Variants in DNA2 observed in about 807,000 individuals in gnomAD.
DNA2 encodes the protein DNA replication ATP-dependent helicase/nuclease DNA2.
In DNA2, 101 loss-of-function variants were observed where a neutral mutation model predicts 119.1. The observed-to-expected ratio is 0.85, with a 90% CI of 0.72 to 1.00. DNA2 has a LOEUF of 1.00. Ranked by LOEUF, DNA2 falls within the 50% of genes least tolerant of loss-of-function variation. The pLI is 0.00. For synonymous variants in DNA2, 366 were observed against 424.4 expected, an observed-to-expected ratio of 0.86 and a Z score of 1.69; for missense variants, 1,121 against 1,255.5, an observed-to-expected ratio of 0.89 and a Z score of 1.62.
At chr10:68,426,714 C>A (rs1254850087) in intron 14 of DNA2, among the ~76,000 whole-genome samples, 1 of 151,506 alleles carries the variant, frequency 6.6e-6, no homozygotes, top group Non-Finnish European at 1.5e-5. Flanking sequence ...TGGTGGGCGC[C>A]TGTGGTCCCA....
At chr10:68,440,039 C>T (rs1232420697) in intron 9 of DNA2, among the ~76,000 whole-genome samples, 1 of 151,558 alleles carries the variant, frequency 6.6e-6, no homozygotes, top group Non-Finnish European at 1.5e-5. Flanking sequence ...TGCAGTGGCT[C>T]ACACCTATAA....
chr10:68,462,394 A>C (rs2052271625), intron 4 of DNA2, among the ~76,000 whole-genome samples: 1 of 152,222 alleles, frequency 6.6e-6, no homozygotes, highest in African/African-American at 2.4e-5. Context: ...AAAAATGAAT[A>C]TACATGTTAA....
chr10:68,472,007 C>T (rs188525098), upstream of DNA2: 403 of 1,610,008 alleles, frequency 2.5e-4, 2 homozygotes, highest in African/African-American at 4.9e-3. Flanking sequence ...ATGACCTGCG[C>T]CAGGCCGCCC....
chr10:68,423,679 G>A (rs1283769911), intron 14 of DNA2, among the ~76,000 whole-genome samples: 1 of 152,160 alleles, frequency 6.6e-6, no homozygotes, highest in African/African-American at 2.4e-5. Flanking sequence ...GTCAGAGAAA[G>A]CCAAGTAGGG....
chr10:68,417,997 GGAA>G (rs2051613911), intron 19 of DNA2, among the ~76,000 whole-genome samples: 2 of 152,176 alleles, frequency 1.3e-5, no homozygotes. Flanking sequence ...CAGGTGCTGG[GGAA>G]GAAGAAAATG....
At position 68,440,452 on chromosome 10, in the gene DNA2, C is replaced by T. The variant is rs534218547; in HGVS notation, c.1415+2465G>A. ...AGCTGGGACTACAGGCACCTGCCAC[C>T]ATGCCCAGCTAATATTTTGTATTTT... On this transcript the variant is annotated intron_variant, in intron 9 of 20. Coordinates refer to ENST00000358410, the MANE Select transcript of DNA2 (RefSeq NM_001080449.3). 5.4e-3 allele frequency among the ~76,000 whole-genome samples: 823 copies of T among 152,054 alleles called. 6 individuals carry two copies. Among genetic ancestry groups the T allele is most frequent in the African/African-American group, 0.019 (790 of 41,510 alleles).
intron 4 of DNA2, among the ~76,000 whole-genome samples, chr10:68,464,835 A>C (rs1490338308): frequency 1.9e-5 from 2 of 104,906 alleles, no homozygotes; most frequent in African/African-American, 8.6e-5. Flanking sequence ...ACCTCAAAAA[A>C]AAAAAAAAAA....
Position 68,428,187 on chromosome 10 carries a change from C to T in DNA2, c.2208+2249G>A, listed in dbSNP as rs2051768187. Among the ~76,000 whole-genome samples, 3 of 151,846 alleles carry T rather than the reference C, an allele frequency of 2.0e-5. No individual in the cohort carries two copies. The South Asian group carries it at 6.2e-4, about 32-fold the overall frequency. On this transcript the variant is annotated intron_variant, in intron 14 of 20. Coordinates refer to ENST00000358410, the MANE Select transcript of DNA2 (RefSeq NM_001080449.3). ...GTAAAAATACAAAGAATTAGCTGGG[C>T]GTGGTGGCAGGCGCCTGTAGTCCCA...
chr10:68,460,756 C>T (rs2052247164), intron 4 of DNA2, among the ~76,000 whole-genome samples: 1 of 151,930 alleles, frequency 6.6e-6, no homozygotes, highest in South Asian at 2.1e-4. Context: ...TAAAAAACAT[C>T]CAAATAACGC....
At chr10:68,415,875 A>G (rs532228654) in intron 20 of DNA2, among the ~76,000 whole-genome samples, 2 of 150,988 alleles carry the variant, frequency 1.3e-5, no homozygotes, top group South Asian at 4.2e-4. Flanking sequence ...GATGGTCTCA[A>G]TCTCAACCTC....
rs544071997 is a variant in DNA2 at position 68,449,741 on chromosome 10, GTC to G, written c.939+285_939+286del. ...CAGCCTGGCCAACATAGTGAAACCT[GTC>G]TCTACTAAAAATACAAAAAATTAGC... On this transcript the variant is annotated intron_variant, in intron 6 of 20. Coordinates refer to ENST00000358410, the MANE Select transcript of DNA2 (RefSeq NM_001080449.3). Among the ~76,000 whole-genome samples the G allele has an allele frequency of 1.1e-3, 169 of 152,128 alleles. 1 individual carries two copies. Among genetic ancestry groups the G allele is most frequent in the Non-Finnish European group, 1.8e-3 (125 of 67,978 alleles).
chr10:68,441,713 T>C lies in DNA2; in HGVS notation c.1415+1204A>G, dbSNP rs1171830503. Among the ~76,000 whole-genome samples the C allele has an allele frequency of 2.0e-5, 3 of 152,106 alleles. No homozygotes were observed. In the East Asian group the frequency reaches 5.8e-4, roughly 29 times the overall value. ...TAGCTTGAATCCAGACAGCAGAGAT[T>C]GCAGTGAGCTGACAACATGCCACTG... On this transcript the variant is annotated intron_variant, in intron 9 of 20. Transcript: ENST00000358410.
intron 5 of DNA2, among the ~76,000 whole-genome samples, chr10:68,453,396 T>C (rs59124369): frequency 7.4e-4 from 112 of 152,152 alleles, no homozygotes; most frequent in African/African-American, 2.6e-3. Flanking sequence ...TCTAACTTTG[T>C]TACAGTACAG....
chr10:68,440,618 A>G lies in DNA2; in HGVS notation c.1415+2299T>C, dbSNP rs562810492. Reference sequence around the variant, plus strand: ...AGCCCAGAGCAAGACTTTGTCTAAAAAAAAAAAAGTTTCACATACTACAAA... The same window carrying G: ...AGCCCAGAGCAAGACTTTGTCTAAAGAAAAAAAAGTTTCACATACTACAAA... On this transcript the variant is annotated intron_variant, in intron 9 of 20. Transcript: ENST00000358410. Among the ~76,000 whole-genome samples the G allele has an allele frequency of 2.6e-5, 4 of 152,200 alleles. No homozygotes were observed. The East Asian group carries it at 7.7e-4, about 29-fold the overall frequency.
At position 68,432,200 on chromosome 10, in the gene DNA2, G is replaced by A; in HGVS notation, c.1873+6C>T. On this transcript the variant is annotated splice_donor_region_variant and intron_variant, in intron 12 of 20. Coordinates refer to ENST00000358410, the MANE Select transcript of DNA2 (RefSeq NM_001080449.3). ...AATCAAAGCAGACATGGTGATTTTA[G>A]CATACCCTTTAGAATGCAGGCAACT... The A allele has an allele frequency of 6.5e-7, 1 of 1,534,752 alleles. No individual in the cohort carries two copies. Among genetic ancestry groups the A allele is most frequent in the Non-Finnish European group, 8.9e-7 (1 of 1,126,970 alleles).
chr10:68,435,466 T>C (rs1389183804), intron 10 of DNA2, among the ~76,000 whole-genome samples: 1 of 151,938 alleles, frequency 6.6e-6, no homozygotes, highest in Admixed American at 6.6e-5. Context: ...CATATATATA[T>C]ATATTTTTAG....
At chr10:68,443,968 G>T (rs563914497) in intron 8 of DNA2, among the ~76,000 whole-genome samples, 3 of 151,244 alleles carry the variant, frequency 2.0e-5, no homozygotes, top group Admixed American at 6.6e-5. Context: ...AAGAAAAAAA[G>T]TATTTCGGCA....
At chr10:68,437,959 GC>G (rs1217533999) in intron 9 of DNA2, among the ~76,000 whole-genome samples, 3 of 152,030 alleles carry the variant, frequency 2.0e-5, no homozygotes, top group Non-Finnish European at 2.9e-5. Flanking sequence ...TGACCCACTG[GC>G]CTCAGCCTCC....
intron 10 of DNA2, among the ~76,000 whole-genome samples, chr10:68,433,921 C>T (rs1271093092): frequency 6.6e-6 from 1 of 152,220 alleles, no homozygotes; most frequent in African/African-American, 2.4e-5. Context: ...TCTTCTCACA[C>T]TGTTTCACCA....
Sources: gnomAD v4.1 joint callset for allele counts (sites outside exome capture counted in the v4.1 genomes callset) on GRCh38, gnomAD v4.1.1 for gene constraint, MANE v1.5 for transcripts, NCBI Gene and HGNC (gene_info 2026-07-23, HGNC 2026-07-21) for gene names.